HS2ST1: variants seen among roughly 807,000 people sequenced by gnomAD.
HS2ST1 encodes heparan sulfate 2-O-sulfotransferase 1.
HS2ST1 carries 18 observed loss-of-function variants against 42.9 expected under a neutral mutation model. The ratio of observed to expected loss-of-function variants is 0.42; its 90% CI spans 0.29 to 0.62. The LOEUF is 0.62. HS2ST1 is among the 20% of genes least tolerant of loss of function. The pLI is 0.21. For missense variants in HS2ST1, 334 were observed against 433.8 expected, an observed-to-expected ratio of 0.77 and a Z score of 2.04; for synonymous variants, 146 against 152.9, an observed-to-expected ratio of 0.95 and a Z score of 0.33.
chr1:86,941,575 C>G (rs920342989), intron 1 of HS2ST1, among the ~76,000 whole-genome samples: 4 of 152,018 alleles, frequency 2.6e-5, no homozygotes, highest in Non-Finnish European at 4.4e-5. Flanking sequence ...AGTTGAAGAC[C>G]AGCCTGGCCA....
chr1:87,047,148 C>A (rs1475827604), intron 1 of HS2ST1, among the ~76,000 whole-genome samples: 4 of 152,134 alleles, frequency 2.6e-5, no homozygotes, highest in Admixed American at 1.3e-4. Flanking sequence ...TCAGTTTTAG[C>A]CATTCTTACA....
rs1429062204 is a variant in HS2ST1 at position 87,107,358 on chromosome 1, T to G, written c.*2662T>G. ...AATAGGGGCATTTATTTTATCATAT[T>G]TTAGGGTGGGTTAGGAGTATCCTTT... On this transcript the variant is annotated 3_prime_UTR_variant, in exon 7 of 7. Coordinates refer to ENST00000370550, the MANE Select transcript of HS2ST1 (RefSeq NM_012262.4). 6.6e-6 allele frequency: 1 copy of G among 152,038 alleles called. No homozygotes were observed. Among genetic ancestry groups the G allele is most frequent in the Non-Finnish European group, 1.5e-5 (1 of 67,934 alleles). 9.4% of individuals were successfully genotyped at this position (152,038 alleles called of 1,614,324 possible).
At position 87,018,601 on chromosome 1, in the gene HS2ST1, A is replaced by G. The variant is rs545071721; in HGVS notation, c.125-54333A>G. ...AGACACCACCCATGAATAGCTTTTCATGACGCTCTAAAGGACAGATTTCCA... is the reference window on the plus strand; with the variant it reads ...AGACACCACCCATGAATAGCTTTTCGTGACGCTCTAAAGGACAGATTTCCA... On this transcript the variant is annotated intron_variant, in intron 1 of 6. Coordinates refer to ENST00000370550, the MANE Select transcript of HS2ST1 (RefSeq NM_012262.4). Among the ~76,000 whole-genome samples the G allele has an allele frequency of 7.4e-4, 113 of 152,288 alleles. 1 individual carries two copies. Among genetic ancestry groups the G allele is most frequent in the Non-Finnish European group, 1.3e-3 (87 of 68,012 alleles).
intron 1 of HS2ST1, among the ~76,000 whole-genome samples, chr1:87,015,131 C>T (rs2100581999): frequency 1.3e-5 from 2 of 152,246 alleles, no homozygotes; most frequent in Middle Eastern, 6.8e-3. Flanking sequence ...TCACTGCAAC[C>T]TCCGACTTCT....
At chr1:87,077,690 A>G (rs895121278) in intron 2 of HS2ST1, among the ~76,000 whole-genome samples, 2 of 152,196 alleles carry the variant, frequency 1.3e-5, no homozygotes, top group African/African-American at 4.8e-5. Context: ...TATATCCCTT[A>G]TGTTTAGAAT....
At chr1:87,095,910 G>A (rs951838288) in intron 4 of HS2ST1, among the ~76,000 whole-genome samples, 2 of 150,650 alleles carry the variant, frequency 1.3e-5, no homozygotes, top group Non-Finnish European at 3.0e-5. Flanking sequence ...GAGTGGCATC[G>A]GTTTACATTT....
chr1:86,956,524 T>G (rs1647683189), intron 1 of HS2ST1: 1 of 152,196 alleles, frequency 6.6e-6, no homozygotes. Flanking sequence ...CCCATGAAAA[T>G]CTGATTTTCA....
rs978420619 is a variant in HS2ST1 at position 87,037,103 on chromosome 1, C to CT, written c.125-35821dup. 6.1e-4 allele frequency among the ~76,000 whole-genome samples: 35 copies of CT among 57,828 alleles called. No homozygotes were observed. The East Asian group carries it at 7.3e-3, about 12-fold the overall frequency. 37.9% of individuals were successfully genotyped at this position (57,828 alleles called of 152,430 possible). ...GATTTATCACATTCATGGGTGCTGA[C>CT]TTTTTTTTTTAATCTGCTCCCAACT... On this transcript the variant is annotated intron_variant, in intron 1 of 6. Coordinates refer to ENST00000370550, the MANE Select transcript of HS2ST1 (RefSeq NM_012262.4).
chr1:86,967,384 G>A (rs781315761), intron 1 of HS2ST1, among the ~76,000 whole-genome samples: 4 of 152,096 alleles, frequency 2.6e-5, no homozygotes, highest in Non-Finnish European at 5.9e-5. Flanking sequence ...TGAGATTTTA[G>A]TTTGCCTCTC....
At chr1:86,923,527 G>A (rs1660347776) in intron 1 of HS2ST1, among the ~76,000 whole-genome samples, 1 of 151,892 alleles carries the variant, frequency 6.6e-6, no homozygotes, top group Non-Finnish European at 1.5e-5. Flanking sequence ...CTCCCGAGTA[G>A]CTGGGACTAC....
chr1:86,996,442 CAAAA>C (rs67401349), intron 1 of HS2ST1, among the ~76,000 whole-genome samples: 32 of 112,858 alleles, frequency 2.8e-4, no homozygotes, highest in Admixed American at 2.8e-4. Flanking sequence ...AACTCTGTCT[CAAAA>C]AAAAAAAAAA....
At chr1:87,079,232 G>A (rs2100640133) in intron 2 of HS2ST1, among the ~76,000 whole-genome samples, 1 of 151,998 alleles carries the variant, frequency 6.6e-6, no homozygotes. Context: ...CCACCTCCCG[G>A]GTCCAAGCGA....
intron 3 of HS2ST1, among the ~76,000 whole-genome samples, chr1:87,086,748 C>T (rs368145208): frequency 2.0e-5 from 3 of 152,116 alleles, no homozygotes; most frequent in East Asian, 1.9e-4. Flanking sequence ...ATCTTTTTTA[C>T]ATTTTTGCAT....
chr1:87,071,224 T>C (rs1651395887), intron 1 of HS2ST1, among the ~76,000 whole-genome samples: 1 of 152,204 alleles, frequency 6.6e-6, no homozygotes, highest in Non-Finnish European at 1.5e-5. Context: ...CTATATAACA[T>C]GGTGTCCATA....
intron 1 of HS2ST1, among the ~76,000 whole-genome samples, chr1:86,963,852 G>A (rs1427270916): frequency 2.1e-5 from 3 of 145,686 alleles, no homozygotes; most frequent in East Asian, 2.1e-4. Flanking sequence ...CCCACCTCCC[G>A]CCCGGACGGG....
At chr1:87,020,188 A>G (rs541530022) in intron 1 of HS2ST1, among the ~76,000 whole-genome samples, 2 of 152,322 alleles carry the variant, frequency 1.3e-5, no homozygotes, top group African/African-American at 4.8e-5. Flanking sequence ...CTTTATCACA[A>G]GGAACTCTGG....
At chr1:86,942,380 A>G (rs75946248) in intron 1 of HS2ST1, among the ~76,000 whole-genome samples, 3,322 of 152,296 alleles carry the variant, frequency 0.022, 43 homozygotes, top group South Asian at 0.054. Context: ...GATGTTAGTT[A>G]ACAGTGCAGT....
intron 1 of HS2ST1, among the ~76,000 whole-genome samples, chr1:87,040,567 T>C (rs537828391): frequency 8.5e-5 from 13 of 152,190 alleles, no homozygotes; most frequent in Admixed American, 5.9e-4. Context: ...GCATAACTTA[T>C]CCAGGTGAGG....
chr1:87,032,020 T>C (rs538964819), intron 1 of HS2ST1, among the ~76,000 whole-genome samples: 1 of 152,334 alleles, frequency 6.6e-6, no homozygotes, highest in Admixed American at 6.5e-5. Flanking sequence ...TACACATGGC[T>C]AATTATTAAA....
Sources: allele counts gnomAD v4.1 joint callset (sites outside exome capture counted in the v4.1 genomes callset), GRCh38; gene constraint gnomAD v4.1.1; transcripts MANE v1.5; gene names NCBI Gene and HGNC (gene_info 2026-07-23, HGNC 2026-07-21).